The following IMPG1 variants were observed in gnomAD, a reference collection of about 807,000 sequenced individuals.
IMPG1 encodes the protein interphotoreceptor matrix proteoglycan of 150 kDa.
Under a neutral mutation model 92.0 loss-of-function variants are expected in IMPG1, and 85 were observed. That is an observed-to-expected ratio of 0.92 (90% CI 0.78 to 1.11). The LOEUF (loss-of-function observed/expected upper bound fraction) is 1.11. IMPG1 is among the 50% of genes least tolerant of loss of function. IMPG1 has a pLI of 0.00. For synonymous variants in IMPG1, 367 were observed against 334.1 expected, an observed-to-expected ratio of 1.10 and a Z score of -1.08; for missense variants, 1,022 against 956.0, an observed-to-expected ratio of 1.07 and a Z score of -0.91.
At chr6:75,999,881 T>C (rs1459061933) in intron 12 of IMPG1, among the ~76,000 whole-genome samples, 1 of 152,378 alleles carries the variant, frequency 6.6e-6, no homozygotes, top group South Asian at 2.1e-4. Flanking sequence ...ATTCTTGAAT[T>C]AAGGCAGACT....
chr6:75,935,030 G>GACTC (rs1279497566), intron 14 of IMPG1: 1 of 470,572 alleles, frequency 2.1e-6, no homozygotes, highest in East Asian at 6.9e-5. Flanking sequence ...TGGCTGGGCT[G>GACTC]AGGTCCCGTT....
rs183436142 is a variant in IMPG1 at position 76,072,331 on chromosome 6, T to A, written c.67+91A>T. The stretch of plus-strand genomic sequence containing the variant: ...GCCTACTATATACTAGCCCGTGAGA[T>A]CAATTGGTAGCCTTGTTGGTTCTAA... On this transcript the variant is annotated intron_variant, in intron 1 of 16. Transcript: ENST00000369950. 536 of 682,220 alleles carry A rather than the reference T, an allele frequency of 7.9e-4. 8 individuals carry two copies. The Admixed American group carries it at 0.013, about 17-fold the overall frequency. The allele number at this position is 682,220 out of a possible 1,614,324, so 42.3% of individuals were successfully genotyped here.
intron 16 of IMPG1, among the ~76,000 whole-genome samples, 166 bp downstream of exon 16, chr6:75,923,468 C>G (rs1781466310): frequency 6.6e-6 from 1 of 152,114 alleles, no homozygotes; most frequent in East Asian, 1.9e-4. Context: ...TCCCAGCCTT[C>G]TGACTCTATC....
At chr6:76,046,186 C>T (rs72891782) in intron 1 of IMPG1, among the ~76,000 whole-genome samples, 3,603 of 152,244 alleles carry the variant, frequency 0.024, 66 homozygotes, top group Non-Finnish European at 0.04. Context: ...ATAGCAAACA[C>T]CAAGCTACAG....
intron 4 of IMPG1, among the ~76,000 whole-genome samples, chr6:76,026,168 T>C (rs2149485138): frequency 6.6e-6 from 1 of 152,254 alleles, no homozygotes; most frequent in East Asian, 1.9e-4. Context: ...TATTTTCCCC[T>C]TTTCTTCCTT....
At chr6:75,993,048 G>A (rs1261036345) in intron 12 of IMPG1, among the ~76,000 whole-genome samples, 1 of 149,458 alleles carries the variant, frequency 6.7e-6, no homozygotes, top group Non-Finnish European at 1.5e-5. Flanking sequence ...GGAAATAGAT[G>A]GGAAGTGTAC....
Position 76,027,480 on chromosome 6 carries a change from T to C in IMPG1, c.498-2222A>G, listed in dbSNP as rs2149485626. ...TGAAATTAGATTTACATGTAAGGGG[T>C]GTAAGAATAGTAAAATGTGTTTTTA... On this transcript the variant is annotated intron_variant, in intron 4 of 16. Transcript: ENST00000369950. 1.3e-5 allele frequency among the ~76,000 whole-genome samples: 2 copies of C among 152,266 alleles called. 1 individual carries two copies. The highest frequency in any genetic ancestry group is 4.8e-5 in the African/African-American group (2 of 41,558).
At position 76,043,003 on chromosome 6, in the gene IMPG1, G is replaced by A. The variant is rs140407945; in HGVS notation, c.68-877C>T. Reference sequence around the variant, plus strand: ...GTTCATCAGCATTTAGGGTACTGAGGCTCAGAGTGGCAGTGTGTGTTAACA... The same window carrying A: ...GTTCATCAGCATTTAGGGTACTGAGACTCAGAGTGGCAGTGTGTGTTAACA... On this transcript the variant is annotated intron_variant, in intron 1 of 16. Transcript: ENST00000369950. 2.6e-3 allele frequency among the ~76,000 whole-genome samples: 390 copies of A among 152,176 alleles called. 2 individuals are homozygous for A. Among genetic ancestry groups the A allele is most frequent in the Non-Finnish European group, 4.6e-3 (315 of 68,016 alleles).
rs1013921764 is a variant in IMPG1 at position 76,018,632 on chromosome 6, C to A, written c.807+86G>T. On this transcript the variant is annotated intron_variant, in intron 7 of 16. Transcript: ENST00000369950. Reference sequence around the variant, plus strand: ...ACATGAATGCCAGGAGAAGCTGGAACTGTTCGCCGTAAGGGTTTATGTCCT... The same window carrying A: ...ACATGAATGCCAGGAGAAGCTGGAAATGTTCGCCGTAAGGGTTTATGTCCT... 3 of 1,221,324 alleles carry A rather than the reference C, an allele frequency of 2.5e-6. No homozygotes were observed. The African/African-American group carries it at 4.7e-5, about 19-fold the overall frequency. The allele number at this position is 1,221,324 out of a possible 1,614,324, so 75.7% of individuals were successfully genotyped here. A position where few individuals can be genotyped will look rare whatever the true frequency, so the allele number is the denominator to read the frequency against.
Position 76,042,074 on chromosome 6 carries a change from TGGG to T in IMPG1, c.117_119del (p.Pro40del), listed in dbSNP as rs1783853781. ...CAGTACTTTCAGTTGTTTCATTTCT[TGGG>T]GGATTGTCTATGTCTTTAGTTTCAG... On this transcript the variant is annotated inframe_deletion, in exon 2 of 17. Coordinates refer to ENST00000369950, the MANE Select transcript of IMPG1 (RefSeq NM_001563.4). 1 of 1,609,562 alleles carries T rather than the reference TGGG, an allele frequency of 6.2e-7. No individual in the cohort carries two copies. Among genetic ancestry groups the T allele is most frequent in the Admixed American group, 1.7e-5 (1 of 59,992 alleles).
rs531350054 is a variant in IMPG1 at position 76,039,365 on chromosome 6, T to C, written c.301+2528A>G. Reference sequence around the variant, plus strand: ...AAAGAAAGATCTAGCTGTTTTTTTTTTTTTTTTTGGGACGGAGTCTCACTA... The same window carrying C: ...AAAGAAAGATCTAGCTGTTTTTTTTCTTTTTTTTGGGACGGAGTCTCACTA... On this transcript the variant is annotated intron_variant, in intron 2 of 16. Transcript: ENST00000369950. 9.8e-3 allele frequency among the ~76,000 whole-genome samples: 1,482 copies of C among 151,892 alleles called. 27 individuals carry two copies. The highest frequency in any genetic ancestry group is 0.032 in the African/African-American group (1,324 of 41,430).
chr6:75,955,409 CTGTT>C (rs1441114152), intron 12 of IMPG1, among the ~76,000 whole-genome samples: 5 of 152,158 alleles, frequency 3.3e-5, no homozygotes, highest in Admixed American at 2.0e-4. Context: ...CTTTGGCTCT[CTGTT>C]TGTCTATTAT....
At position 75,974,401 on chromosome 6, in the gene IMPG1, T is replaced by TTGC. The variant is rs59220395; in HGVS notation, c.1292-23308_1292-23307insGCA. On this transcript the variant is annotated intron_variant, in intron 12 of 16. Transcript: ENST00000369950. Reference sequence around the variant, plus strand: ...TTTCTTTCTTTCTTTCTTTTCTTTCTTTCCTTCCTTCCTTCCTTCCTTCCT... The same window carrying TTGC: ...TTTCTTTCTTTCTTTCTTTTCTTTCTTGCTTCCTTCCTTCCTTCCTTCCTTCCT... Among the ~76,000 whole-genome samples the TTGC allele has an allele frequency of 1.4e-3, 127 of 92,822 alleles. 2 individuals carry two copies. The highest frequency in any genetic ancestry group is 2.1e-3 in the Non-Finnish European group (95 of 45,446). The allele number at this position is 92,822 out of a possible 152,430, so 60.9% of individuals were successfully genotyped here.
intron 1 of IMPG1, among the ~76,000 whole-genome samples, chr6:76,058,401 A>G (rs1174419168): frequency 6.6e-6 from 1 of 152,184 alleles, no homozygotes; most frequent in Non-Finnish European, 1.5e-5. Context: ...CCATCTTAGG[A>G]GTTAGCACTT....
At chr6:75,930,897 C>A in intron 15 of IMPG1, 56 bp downstream of exon 15, 1 of 1,461,192 alleles carries the variant, frequency 6.8e-7, no homozygotes, top group African/African-American at 1.4e-5. Flanking sequence ...TGATGGGTTT[C>A]TCAGAAGTGT....
chr6:75,997,345 C>CGA (rs1371491881), intron 12 of IMPG1, among the ~76,000 whole-genome samples: 1 of 152,214 alleles, frequency 6.6e-6, no homozygotes, highest in Non-Finnish European at 1.5e-5. Context: ...TCTTAAAACT[C>CGA]TTTCAAGTCT....
In IMPG1 at chr6:76,017,191, G is replaced by A. The variant is rs769026103; in HGVS notation, c.807+1527C>T. Among the ~76,000 whole-genome samples, 43 of 128,078 alleles carry A rather than the reference G, an allele frequency of 3.4e-4. 1 individual carries two copies. Among genetic ancestry groups the A allele is most frequent in the Non-Finnish European group, 4.9e-5 (3 of 60,932 alleles). 84.0% of individuals were successfully genotyped at this position (128,078 alleles called of 152,430 possible). The stretch of plus-strand genomic sequence containing the variant: ...ATGATAAGGAACTGGTATATGGTGA[G>A]GCTCAAAAAAAAAAAAAAAGGCAGA... On this transcript the variant is annotated intron_variant, in intron 7 of 16. Coordinates refer to ENST00000369950, the MANE Select transcript of IMPG1 (RefSeq NM_001563.4).
intron 9 of IMPG1, among the ~76,000 whole-genome samples, chr6:76,005,942 A>T (rs906299592): frequency 6.6e-6 from 1 of 151,004 alleles, no homozygotes; most frequent in African/African-American, 2.4e-5. Flanking sequence ...GGCCCAGGTG[A>T]TCCTTCTGCC....
chr6:75,940,314 T>A (rs1251357249), intron 14 of IMPG1, among the ~76,000 whole-genome samples: 1 of 152,210 alleles, frequency 6.6e-6, no homozygotes, highest in South Asian at 2.1e-4. Flanking sequence ...TCAATCTATC[T>A]TGTCTATTTC....
Sources: gnomAD v4.1 joint callset for allele counts (sites outside exome capture counted in the v4.1 genomes callset) on GRCh38, gnomAD v4.1.1 for gene constraint, MANE v1.5 for transcripts, NCBI Gene and HGNC (gene_info 2026-07-23, HGNC 2026-07-21) for gene names.